The following BPTF variants were observed in gnomAD, a reference collection of about 807,000 sequenced individuals.
BPTF encodes the protein nucleosome-remodeling factor subunit BPTF.
Under a neutral mutation model 292.5 loss-of-function variants are expected in BPTF, and 18 were observed. That is an observed-to-expected ratio of 0.06 (90% CI 0.04 to 0.09). The LOEUF (loss-of-function observed/expected upper bound fraction) is 0.09, where lower values mean the gene tolerates loss of function less well. BPTF is among the 10% of genes least tolerant of loss of function. The pLI is 1.00. For missense variants in BPTF, 2,726 were observed against 3,498.7 expected, an observed-to-expected ratio of 0.78 and a Z score of 5.57; for synonymous variants, 1,225 against 1,251.9, an observed-to-expected ratio of 0.98 and a Z score of 0.45.
At chr17:67,881,321 ATACTT>A (rs1206829316) in intron 4 of BPTF, among the ~76,000 whole-genome samples, 1 of 152,122 alleles carries the variant, frequency 6.6e-6, no homozygotes, top group Admixed American at 6.6e-5. Context: ...TTTGGCAAGA[ATACTT>A]TATAAAGAAT....
chr17:67,962,176 A>G (rs2067576232), intron 24 of BPTF, among the ~76,000 whole-genome samples: 1 of 152,228 alleles, frequency 6.6e-6, no homozygotes, highest in Non-Finnish European at 1.5e-5. Flanking sequence ...AGGATAAACT[A>G]CATAACCATA....
intron 1 of BPTF, among the ~76,000 whole-genome samples, chr17:67,841,261 T>C (rs1337830754): frequency 6.6e-6 from 1 of 151,750 alleles, no homozygotes; most frequent in Non-Finnish European, 1.5e-5. Context: ...TACAAAAAAT[T>C]AGCCGGTCGT....
At chr17:67,908,649 C>T (rs1317830352) in intron 9 of BPTF, among the ~76,000 whole-genome samples, 3 of 151,598 alleles carry the variant, frequency 2.0e-5, no homozygotes, top group African/African-American at 7.3e-5. Context: ...GCCACCATGC[C>T]TGGCTAATTT....
At chr17:67,842,088 G>T (rs1316584298) in intron 1 of BPTF, among the ~76,000 whole-genome samples, 1 of 151,536 alleles carries the variant, frequency 6.6e-6, no homozygotes, top group African/African-American at 2.4e-5. Context: ...TTATTCTAGC[G>T]CCCCTCCCTT....
intron 26 of BPTF, among the ~76,000 whole-genome samples, chr17:67,970,561 A>C (rs901347754): frequency 6.6e-6 from 1 of 152,236 alleles, no homozygotes; most frequent in Non-Finnish European, 1.5e-5. Context: ...AGCAGTAAAC[A>C]TTTATTTTCT....
chr17:67,865,028 G>A (rs2059316464), intron 2 of BPTF, among the ~76,000 whole-genome samples: 1 of 151,954 alleles, frequency 6.6e-6, no homozygotes, highest in South Asian at 2.1e-4. Context: ...GGATGGTCTC[G>A]ATCTCCTGAC....
At chr17:67,892,147 T>G (rs1334287989) in intron 5 of BPTF, 113 bp downstream of exon 5, 3 of 827,234 alleles carry the variant, frequency 3.6e-6, no homozygotes, top group East Asian at 6.0e-5. Context: ...TATTTTTGAA[T>G]TATATTTTCT....
At chr17:67,864,324 C>CA (rs1290505205) in intron 2 of BPTF, among the ~76,000 whole-genome samples, 1 of 151,972 alleles carries the variant, frequency 6.6e-6, no homozygotes, top group South Asian at 2.1e-4. Context: ...GCCAGACGTT[C>CA]AAGACTAGCC....
chr17:67,878,555 T>A (rs536771309), intron 4 of BPTF, among the ~76,000 whole-genome samples: 1 of 152,018 alleles, frequency 6.6e-6, no homozygotes, highest in African/African-American at 2.4e-5. Context: ...CTGGGTATCA[T>A]CAGCATCACT....
chr17:67,862,882 A>G (rs1254341078), intron 2 of BPTF, among the ~76,000 whole-genome samples: 2 of 151,062 alleles, frequency 1.3e-5, no homozygotes, highest in Non-Finnish European at 2.9e-5. Flanking sequence ...TGGCAGCATA[A>G]TTCCAATCTC....
rs180953860 is a variant in BPTF, at chr17:67,960,976, A to G, written c.8261+1101A>G. Among the ~76,000 whole-genome samples, 20 of 152,344 alleles carry G rather than the reference A, an allele frequency of 1.3e-4. No homozygotes were observed. The East Asian group carries it at 2.9e-3, about 22-fold the overall frequency. ...TCTTATCTCATTGGAAATTATACATAATGTAAACAGTAGAACGTGATTCAC... is the reference window on the plus strand; with the variant it reads ...TCTTATCTCATTGGAAATTATACATGATGTAAACAGTAGAACGTGATTCAC... On this transcript the variant is annotated intron_variant, in intron 24 of 27. Coordinates refer to ENST00000306378, the MANE Select transcript of BPTF (RefSeq NM_182641.4).
At chr17:67,937,522 A>T (rs2065014164) in intron 18 of BPTF, among the ~76,000 whole-genome samples, 1 of 152,178 alleles carries the variant, frequency 6.6e-6, no homozygotes, top group Non-Finnish European at 1.5e-5. Flanking sequence ...AACAAGATGA[A>T]ATTTGGATAA....
rs750257709 is a variant in BPTF, at chr17:67,929,381, G to A, written c.6044G>A (p.Ser2015Asn). The change falls in exon 17 of 28, where the codon AGT becomes AAT. Residue 2015 changes from serine to asparagine, a missense_variant. Physicochemically the swap from Ser to Asn is conservative, Grantham distance 46 (BLOSUM62 1). Around this residue, in one of 22 missense-constraint regions of BPTF, gnomAD observed 198 missense variants for 277.1 expected, o/e 0.71. Coordinates refer to ENST00000306378, the MANE Select transcript of BPTF (RefSeq NM_182641.4). ...QQKVLGIIPS[S>N]TGTSQQTFTS... ...AAAGTCCTGGGTATCATTCCATCAA[G>A]TACAGGTACCAGTCAGCAAACCTTT... 5 of 1,614,088 alleles carry A rather than the reference G, an allele frequency of 3.1e-6. No homozygotes were observed. Among genetic ancestry groups the A allele is most frequent in the Non-Finnish European group, 4.2e-6 (5 of 1,180,012 alleles).
At chr17:67,928,046 G>A (rs1174868180) in intron 15 of BPTF, among the ~76,000 whole-genome samples, 1 of 152,064 alleles carries the variant, frequency 6.6e-6, no homozygotes, top group East Asian at 1.9e-4. Context: ...AGAATGCTCA[G>A]CTCATTTTTG....
intron 1 of BPTF, among the ~76,000 whole-genome samples, chr17:67,833,071 A>C (rs1279374101): frequency 6.6e-6 from 1 of 151,700 alleles, no homozygotes; most frequent in Non-Finnish European, 1.5e-5. Flanking sequence ...TGCTGGGATT[A>C]CAGGCGTGAG....
At position 67,891,740 on chromosome 17, in the gene BPTF, T is replaced by G. The variant is rs964496354; in HGVS notation, c.1865-104T>G. 2.7e-5 allele frequency: 21 copies of G among 769,688 alleles called. No homozygotes were observed. In the African/African-American group the frequency reaches 3.1e-4, roughly 11 times the overall value. The allele number at this position is 769,688 out of a possible 1,614,324, so 47.7% of individuals were successfully genotyped here. ...AAGGGCCTTTTTTTATCTGTTTACT[T>G]TGTGGATCTTACACATACACCAGAT... On this transcript the variant is annotated intron_variant, in intron 4 of 27. Transcript: ENST00000306378.
At chr17:67,924,433 T>C in intron 14 of BPTF, 114 bp from the exon 15 acceptor site, 1 of 1,091,710 alleles carries the variant, frequency 9.2e-7, no homozygotes, top group Non-Finnish European at 1.3e-6. Context: ...TATTTTTAAA[T>C]TGAGATAATA....
intron 18 of BPTF, among the ~76,000 whole-genome samples, chr17:67,934,743 A>G (rs1445711298): frequency 6.7e-6 from 1 of 149,594 alleles, no homozygotes; most frequent in Non-Finnish European, 1.5e-5. Context: ...GTGGTGGTGC[A>G]CACCTGTAGT....
intron 23 of BPTF, among the ~76,000 whole-genome samples, chr17:67,952,231 CCTATTCTTATTTCTGCCTCTTTTTTT>C (rs2066442013): frequency 1.3e-5 from 2 of 149,796 alleles, no homozygotes; most frequent in African/African-American, 4.9e-5. Flanking sequence ...CTTACATCTG[CCTATTCTTATTTCTGCCTCTTTTTTT>C]TAATAGGCTT....
Sources: allele counts gnomAD v4.1 joint callset (sites outside exome capture counted in the v4.1 genomes callset), GRCh38; gene constraint gnomAD v4.1.1; regional missense constraint gnomAD v4.1.1; transcripts MANE v1.5; gene names NCBI Gene and HGNC (gene_info 2026-07-23, HGNC 2026-07-21).